Variants in TIPIN observed in about 807,000 individuals in gnomAD.
TIPIN encodes the protein TIMELESS interacting protein.
A neutral mutation model predicts 35.6 loss-of-function variants in TIPIN; 29 were observed. That is an observed-to-expected ratio of 0.82 (90% CI 0.61 to 1.11). TIPIN has a LOEUF of 1.11. Ranked by LOEUF, TIPIN falls within the 50% of genes most tolerant of loss-of-function variation. The pLI, the probability that TIPIN is intolerant of heterozygous loss-of-function variation, is 0.00. For synonymous variants in TIPIN, 102 were observed against 121.5 expected, an observed-to-expected ratio of 0.84 and a Z score of 1.06; for missense variants, 296 against 345.4, an observed-to-expected ratio of 0.86 and a Z score of 1.13.
At chr15:66,339,914 G>A (rs1359978375) in intron 7 of TIPIN, among the ~76,000 whole-genome samples, 2 of 151,094 alleles carry the variant, frequency 1.3e-5, no homozygotes. Context: ...CTGTCACCCA[G>A]GCTGGAGTGC....
chr15:66,347,173 C>T (rs771310112), intron 6 of TIPIN: 12 of 488,924 alleles, frequency 2.5e-5, no homozygotes, highest in Non-Finnish European at 4.9e-5. Flanking sequence ...GTATTTTCTT[C>T]CACATCTGTT....
chr15:66,361,039 T>C (rs879914810), upstream of TIPIN, among the ~76,000 whole-genome samples: 27 of 91,856 alleles, frequency 2.9e-4, no homozygotes, highest in Middle Eastern at 4.6e-3. Flanking sequence ...GGCTGACGAA[T>C]GAGGATCACT....
At chr15:66,343,529 C>T (rs1411967269) in intron 6 of TIPIN, among the ~76,000 whole-genome samples, 1 of 152,148 alleles carries the variant, frequency 6.6e-6, no homozygotes, top group Admixed American at 6.6e-5. Context: ...CAGCCCTTTA[C>T]AATCAAACTC....
Position 66,337,111 on chromosome 15 carries a change from C to T in TIPIN, c.753G>A (p.Glu251=), listed in dbSNP as rs776104764. ...EVNTDEDQKE[E]SNGLNEDILD... ...GAATGTCTTCGTTTAATCCATTTGA[C>T]TCCTCCTTTTGATCCTCATCAGTAT... The change falls in exon 8 of 8, where the codon GAG becomes GAA. Residue 251 remains glutamate, a synonymous_variant. Transcript: ENST00000261881. 22 of 1,614,058 alleles carry T rather than the reference C, an allele frequency of 1.4e-5. No individual in the cohort carries two copies. In the South Asian group the frequency reaches 2.2e-4, roughly 16 times the overall value.
At chr15:66,371,649 G>A (rs866908473) in intron 1 of TIPIN, among the ~76,000 whole-genome samples, 9 of 151,902 alleles carry the variant, frequency 5.9e-5, no homozygotes, top group Admixed American at 1.3e-4. Flanking sequence ...GAGTAGCTGG[G>A]ACTACAGGCA....
chr15:66,347,452 A>G (rs1566974042), intron 6 of TIPIN: 2 of 339,866 alleles, frequency 5.9e-6, no homozygotes, highest in South Asian at 2.3e-5. Context: ...CCAATGGTGT[A>G]TATGTATATG....
At chr15:66,347,368 C>T (rs536096212) in intron 6 of TIPIN, 13 of 475,618 alleles carry the variant, frequency 2.7e-5, no homozygotes, top group South Asian at 7.7e-5. Context: ...GTCCTATATC[C>T]GAGAGCTGCG....
At chr15:66,347,082 A>T in intron 6 of TIPIN, 1 of 310,972 alleles carries the variant, frequency 3.2e-6, no homozygotes, top group Non-Finnish European at 6.5e-6. Context: ...GGCGTGAGCC[A>T]CCGCGCCCGG....
intron 1 of TIPIN, 146 bp downstream of exon 1, chr15:66,356,493 A>G: frequency 5.9e-6 from 3 of 505,646 alleles, no homozygotes; most frequent in Non-Finnish European, 7.7e-6. Flanking sequence ...GGTCAGGTCG[A>G]CCCCCCAACC....
rs62626359 is a variant in TIPIN at position 66,356,547 on chromosome 15, G to C, written c.-9+92C>G. The C allele has an allele frequency of 2.2e-4, 205 of 938,936 alleles. 4 individuals carry two copies. In the African/African-American group the frequency reaches 2.9e-3, roughly 13 times the overall value. The allele number at this position is 938,936 out of a possible 1,614,324, so 58.2% of individuals were successfully genotyped here. ...GACAATTAGGCTTTCCCGCTAGTCT[G>C]TCTGGCTCCCTGGCTCTTCCATCTG... On this transcript the variant is annotated intron_variant, in intron 1 of 7. Transcript: ENST00000261881.
Position 66,352,658 on chromosome 15 carries a change from T to G in TIPIN, c.133+157A>C, listed in dbSNP as rs2093175848. Among the ~76,000 whole-genome samples the G allele has an allele frequency of 2.0e-5, 3 of 152,066 alleles. No individual in the cohort carries two copies. In the South Asian group the frequency reaches 6.2e-4, roughly 32 times the overall value. ...CACCACACCCCGGCTAATTTTTGTATTTTTAGTAGAGACGGGATTTCACCA... is the reference window on the plus strand; with the variant it reads ...CACCACACCCCGGCTAATTTTTGTAGTTTTAGTAGAGACGGGATTTCACCA... On this transcript the variant is annotated intron_variant, in intron 2 of 7. Transcript: ENST00000261881.
At chr15:66,340,850 G>A (rs1472545718) in intron 7 of TIPIN, among the ~76,000 whole-genome samples, 1 of 152,038 alleles carries the variant, frequency 6.6e-6, no homozygotes, top group Non-Finnish European at 1.5e-5. Flanking sequence ...ACCTACCTTG[G>A]CCTCCCAAAG....
intron 1 of TIPIN, among the ~76,000 whole-genome samples, chr15:66,375,193 C>T (rs113071982): frequency 0.041 from 6,210 of 152,024 alleles, 305 homozygotes; most frequent in African/African-American, 0.11. Flanking sequence ...GTGAGAAGAT[C>T]GCTTGAGGCC....
intron 1 of TIPIN, among the ~76,000 whole-genome samples, chr15:66,370,446 C>G (rs2093273587): frequency 6.6e-6 from 1 of 151,648 alleles, no homozygotes; most frequent in East Asian, 1.9e-4. Context: ...ACGTGAAGAA[C>G]CAAGGAAGCG....
chr15:66,360,621 G>A (rs578039821), upstream of TIPIN, among the ~76,000 whole-genome samples: 1 of 152,090 alleles, frequency 6.6e-6, no homozygotes, highest in South Asian at 2.1e-4. Flanking sequence ...CTTGAGGCCA[G>A]GAGTTCAAGA....
chr15:66,337,056 T>C lies in TIPIN; in HGVS notation c.808A>G (p.Asn270Asp), dbSNP rs34848112. ...LDNPCNDAIA[N>D]TLNEEETLLD... is the part of the protein sequence containing the mutation. Reference sequence around the variant, plus strand: ...AGTGTTTCCTCTTCATTTAAAGTATTGGCAATAGCATCATTACATGGATTG... The same window carrying C: ...AGTGTTTCCTCTTCATTTAAAGTATCGGCAATAGCATCATTACATGGATTG... The change falls in exon 8 of 8, where the codon AAT (asparagine) becomes GAT (aspartate). Residue 270 changes from asparagine to aspartate, a missense_variant. Transcript: ENST00000261881. 0.069 allele frequency: 110,587 copies of C among 1,614,078 alleles called. 4,300 individuals carry two copies. Among genetic ancestry groups the C allele is most frequent in the Middle Eastern group, 0.12 (742 of 6,060 alleles).
chr15:66,371,487 T>C (rs2093277404), intron 1 of TIPIN: 1 of 632,410 alleles, frequency 1.6e-6, no homozygotes, highest in Non-Finnish European at 2.0e-6. Context: ...TCCATGAGTT[T>C]ATTTATTTTT....
intron 7 of TIPIN, among the ~76,000 whole-genome samples, chr15:66,337,482 C>T (rs186556280): frequency 3.3e-5 from 5 of 151,994 alleles, no homozygotes; most frequent in Admixed American, 1.3e-4. Flanking sequence ...CCACTACACC[C>T]GGCTAATTTT....
chr15:66,376,409 T>A (rs1482043515), intron 1 of TIPIN, among the ~76,000 whole-genome samples: 2 of 152,054 alleles, frequency 1.3e-5, no homozygotes, highest in African/African-American at 4.8e-5. Flanking sequence ...TTGGTATATA[T>A]GTCTAATAAT....
Sources: allele counts gnomAD v4.1 joint callset (sites outside exome capture counted in the v4.1 genomes callset), GRCh38; gene constraint gnomAD v4.1.1; transcripts MANE v1.5; gene names NCBI Gene and HGNC (gene_info 2026-07-23, HGNC 2026-07-21).